DLG2: variants seen among roughly 807,000 people sequenced by gnomAD.
The protein encoded by DLG2 is disks large homolog 2.
A neutral mutation model predicts 132.5 loss-of-function variants in DLG2; 45 were observed. The observed-to-expected ratio is 0.34, with a 90% CI of 0.27 to 0.44. The LOEUF (loss-of-function observed/expected upper bound fraction) is 0.44, where lower values mean the gene tolerates loss of function less well. DLG2 is among the 20% of genes least tolerant of loss of function. DLG2 has a pLI of 1.00. For missense variants in DLG2, 1,045 were observed against 1,196.9 expected, an observed-to-expected ratio of 0.87 and a Z score of 1.87; for synonymous variants, 424 against 419.6, an observed-to-expected ratio of 1.01 and a Z score of -0.13.
chr11:85,018,890 G>A (rs2059797543), intron 6 of DLG2, among the ~76,000 whole-genome samples: 1 of 150,756 alleles, frequency 6.6e-6, no homozygotes, highest in Non-Finnish European at 1.5e-5. Flanking sequence ...ATAACCCACA[G>A]TATCAACTTT....
intron 3 of DLG2, among the ~76,000 whole-genome samples, chr11:85,306,238 T>C (rs1380686813): frequency 1.3e-5 from 2 of 152,186 alleles, no homozygotes; most frequent in African/African-American, 4.8e-5. Context: ...GCCACCACCA[T>C]TTATGATACA....
At chr11:85,037,326 G>A (rs1039218070) in intron 6 of DLG2, among the ~76,000 whole-genome samples, 12 of 152,030 alleles carry the variant, frequency 7.9e-5, no homozygotes, top group African/African-American at 2.7e-4. Flanking sequence ...CACTTATTTG[G>A]CTACCAGCAA....
At chr11:83,663,609 G>A (rs957367558) in intron 18 of DLG2, among the ~76,000 whole-genome samples, 1 of 152,182 alleles carries the variant, frequency 6.6e-6, no homozygotes, top group Non-Finnish European at 1.5e-5. Flanking sequence ...ATAAATGAAT[G>A]AAAGTTCACT....
intron 7 of DLG2, among the ~76,000 whole-genome samples, chr11:84,330,652 T>C (rs1486659793): frequency 1.3e-5 from 2 of 152,138 alleles, no homozygotes; most frequent in South Asian, 2.1e-4. Context: ...AATAGCCCCA[T>C]ATGGTAGGCA....
At chr11:83,992,178 T>A (rs540304578) in intron 11 of DLG2, among the ~76,000 whole-genome samples, 1 of 152,284 alleles carries the variant, frequency 6.6e-6, no homozygotes, top group African/African-American at 2.4e-5. Context: ...ATTAAACACT[T>A]ACTGATGACT....
intron 3 of DLG2, among the ~76,000 whole-genome samples, chr11:85,406,149 T>A (rs574826235): frequency 6.6e-6 from 1 of 151,858 alleles, no homozygotes; most frequent in African/African-American, 2.4e-5. Flanking sequence ...ATATCAAACA[T>A]TGGACTCTGA....
chr11:83,928,556 G>A lies in DLG2; in HGVS notation c.1496+1772C>T, dbSNP rs145200346. On this transcript the variant is annotated intron_variant, in intron 15 of 27. Coordinates refer to ENST00000376104, the MANE Select transcript of DLG2 (RefSeq NM_001142699.3). ...AAGAAGGGAAGGAATATGAGAAGTC[G>A]GGATAAAGATAGGGAAAGGATAGAA... is the stretch of plus-strand genomic sequence containing the variant. 2.3e-3 allele frequency among the ~76,000 whole-genome samples: 351 copies of A among 152,122 alleles called. 1 individual carries two copies. The Middle Eastern group carries it at 0.024, about 10-fold the overall frequency.
At chr11:83,603,346 A>G (rs1428379987) in intron 19 of DLG2, among the ~76,000 whole-genome samples, 1 of 152,006 alleles carries the variant, frequency 6.6e-6, no homozygotes, top group Non-Finnish European at 1.5e-5. Context: ...TGGCCCATCC[A>G]TGTTGATGTA....
intron 15 of DLG2, among the ~76,000 whole-genome samples, chr11:83,918,747 A>T (rs1401193744): frequency 2.7e-5 from 4 of 146,896 alleles, no homozygotes; most frequent in African/African-American, 9.9e-5. Flanking sequence ...TGGGTCCCAC[A>T]CGGCGCCTGT....
intron 7 of DLG2, chr11:84,317,295 G>A: frequency 6.9e-7 from 1 of 1,442,754 alleles, no homozygotes; most frequent in Non-Finnish European, 9.1e-7. Flanking sequence ...GTGCATCGTG[G>A]GAGCAGTGGG....
At chr11:83,983,221 C>T in intron 11 of DLG2, among the ~76,000 whole-genome samples, 1 of 152,150 alleles carries the variant, frequency 6.6e-6, no homozygotes, top group Admixed American at 6.5e-5. Flanking sequence ...CAGTACAATA[C>T]TTGCAGCATA....
intron 6 of DLG2, among the ~76,000 whole-genome samples, chr11:84,600,423 T>G (rs892783841): frequency 3.3e-5 from 5 of 152,122 alleles, no homozygotes; most frequent in Non-Finnish European, 7.4e-5. Context: ...TTTAATCACT[T>G]ACATGACAGA....
At position 85,163,531 on chromosome 11, in the gene DLG2, G is replaced by A. The variant is rs181633039; in HGVS notation, c.187-8880C>T. On this transcript the variant is annotated intron_variant, in intron 4 of 27. Coordinates refer to ENST00000376104, the MANE Select transcript of DLG2 (RefSeq NM_001142699.3). ...ACATTGAAATAATACTGAAGACAAAGGAGGTTATCTAGGCAAGTAGGAGTA... is the reference window on the plus strand; with the variant it reads ...ACATTGAAATAATACTGAAGACAAAAGAGGTTATCTAGGCAAGTAGGAGTA... Among the ~76,000 whole-genome samples, 241 of 152,236 alleles carry A rather than the reference G, an allele frequency of 1.6e-3. 3 individuals carry two copies. Among genetic ancestry groups the A allele is most frequent in the African/African-American group, 5.6e-3 (234 of 41,552 alleles).
chr11:83,985,230 CT>C (rs1231645035), intron 11 of DLG2, among the ~76,000 whole-genome samples: 2 of 152,084 alleles, frequency 1.3e-5, no homozygotes, highest in Admixed American at 1.3e-4. Context: ...ACTAATGCCC[CT>C]GTCCCCCATC....
At chr11:85,530,735 T>G (rs759691593) in intron 3 of DLG2, among the ~76,000 whole-genome samples, 3 of 152,254 alleles carry the variant, frequency 2.0e-5, no homozygotes, top group Non-Finnish European at 4.4e-5. Flanking sequence ...GGTTCTGCTT[T>G]GTTTTGGCTA....
intron 3 of DLG2, among the ~76,000 whole-genome samples, chr11:85,563,892 G>A (rs1182163206): frequency 6.6e-6 from 1 of 152,096 alleles, no homozygotes; most frequent in Non-Finnish European, 1.5e-5. Flanking sequence ...GTACCAAACT[G>A]TCTTTCAAAG....
chr11:85,279,557 C>G (rs1244640784), intron 4 of DLG2, among the ~76,000 whole-genome samples: 1 of 152,046 alleles, frequency 6.6e-6, no homozygotes, highest in Non-Finnish European at 1.5e-5. Context: ...TGTGCCTTTT[C>G]TCTCCACTCT....
At chr11:85,546,187 T>G (rs1485444036) in intron 3 of DLG2, among the ~76,000 whole-genome samples, 1 of 152,234 alleles carries the variant, frequency 6.6e-6, no homozygotes, top group Non-Finnish European at 1.5e-5. Flanking sequence ...TCTGCTACCT[T>G]GTGTCTTTGT....
At chr11:85,149,364 A>T (rs2077073390) in intron 5 of DLG2, among the ~76,000 whole-genome samples, 2 of 152,200 alleles carry the variant, frequency 1.3e-5, no homozygotes, top group African/African-American at 2.4e-5. Context: ...CATGCTATTG[A>T]TTCTTCCTAT....
Sources: gnomAD v4.1 joint callset for allele counts (sites outside exome capture counted in the v4.1 genomes callset) on GRCh38, gnomAD v4.1.1 for gene constraint, MANE v1.5 for transcripts, NCBI Gene and HGNC (gene_info 2026-07-23, HGNC 2026-07-21) for gene names.